The following GNAQ variants were observed in gnomAD, a reference collection of about 807,000 sequenced individuals.
GNAQ encodes G protein subunit alpha q.
In GNAQ, 8 loss-of-function variants were observed where a neutral mutation model predicts 43.9. That is an observed-to-expected ratio of 0.18 (90% confidence interval 0.11 to 0.33). GNAQ has a LOEUF of 0.33. Ranked by LOEUF, GNAQ falls within the 10% of genes least tolerant of loss-of-function variation. The pLI is 1.00. For synonymous variants in GNAQ, 155 were observed against 170.7 expected (o/e 0.91, Z 0.71); for missense variants, 158 against 450.8 (o/e 0.35, Z 5.88).
chr9:77,874,285 C>G (rs1166852011), intron 2 of GNAQ, among the ~76,000 whole-genome samples: 1 of 152,066 alleles, frequency 6.6e-6, no homozygotes, highest in Non-Finnish European at 1.5e-5. Flanking sequence ...TAAAACGAGT[C>G]TTTCCTCCTG....
At chr9:77,972,154 T>C (rs1421484502) in intron 1 of GNAQ, among the ~76,000 whole-genome samples, 1 of 151,452 alleles carries the variant, frequency 6.6e-6, no homozygotes, top group Middle Eastern at 3.2e-3. Flanking sequence ...TAATAACAAT[T>C]AAAATGAAAA....
chr9:77,728,420 G>T, intron 6 of GNAQ, 94 bp downstream of exon 6: 1 of 840,120 alleles, frequency 1.2e-6, no homozygotes, highest in Middle Eastern at 3.4e-4. Context: ...GGCAAGGGCA[G>T]CAATGGTGCA....
Position 77,832,075 on chromosome 9 carries a change from G to A in GNAQ, c.322-16305C>T, listed in dbSNP as rs1564124194. Among the ~76,000 whole-genome samples the A allele has an allele frequency of 3.6e-5, 5 of 140,602 alleles. No homozygotes were observed. The Admixed American group carries it at 3.9e-4, about 11-fold the overall frequency. 92.2% of individuals were successfully genotyped at this position (140,602 alleles called of 152,430 possible). The stretch of plus-strand genomic sequence containing the variant: ...ATGTAGGTCAAAGACATCCTTTGGA[G>A]AGATTAGAGCACTTTTTTTTTTTTT... On this transcript the variant is annotated intron_variant, in intron 2 of 6. Coordinates refer to ENST00000286548, the MANE Select transcript of GNAQ (RefSeq NM_002072.5).
chr9:77,797,098 T>A (rs748842838), intron 4 of GNAQ, among the ~76,000 whole-genome samples: 2 of 152,118 alleles, frequency 1.3e-5, no homozygotes, highest in African/African-American at 2.4e-5. Context: ...AGTGGCGCAA[T>A]CTCGTCTCAT....
At chr9:77,825,213 A>G (rs1477402515) in intron 2 of GNAQ, among the ~76,000 whole-genome samples, 2 of 152,250 alleles carry the variant, frequency 1.3e-5, no homozygotes, top group African/African-American at 4.8e-5. Context: ...AAGTTTCTAA[A>G]AAAACTTATT....
intron 2 of GNAQ, among the ~76,000 whole-genome samples, chr9:77,821,701 T>C (rs1827115554): frequency 6.6e-6 from 1 of 150,754 alleles, no homozygotes; most frequent in Non-Finnish European, 1.5e-5. Flanking sequence ...TTCATAATTA[T>C]GATGTTGTAC....
At chr9:77,808,454 C>T (rs994465153) in intron 3 of GNAQ, among the ~76,000 whole-genome samples, 4 of 150,782 alleles carry the variant, frequency 2.7e-5, no homozygotes, top group African/African-American at 9.8e-5. Flanking sequence ...AAAAGAATGA[C>T]ACTTTGTGTT....
intron 2 of GNAQ, among the ~76,000 whole-genome samples, chr9:77,859,052 C>G (rs1398097296): frequency 3.9e-5 from 6 of 152,150 alleles, no homozygotes; most frequent in Non-Finnish European, 8.8e-5. Context: ...AACACAGGAG[C>G]AGAGTCCTGC....
chr9:77,886,592 C>A (rs996740892), intron 2 of GNAQ, among the ~76,000 whole-genome samples: 3 of 151,950 alleles, frequency 2.0e-5, no homozygotes, highest in Non-Finnish European at 4.4e-5. Flanking sequence ...GTTAGTAGGA[C>A]AAATTTCTAT....
At chr9:77,944,973 C>A (rs766180158) in intron 1 of GNAQ, among the ~76,000 whole-genome samples, 1 of 152,196 alleles carries the variant, frequency 6.6e-6, no homozygotes, top group East Asian at 1.9e-4. Flanking sequence ...CTCAACCCAC[C>A]GCAGAGAATT....
intron 2 of GNAQ, among the ~76,000 whole-genome samples, chr9:77,831,053 T>A (rs1827290075): frequency 6.6e-6 from 1 of 152,216 alleles, no homozygotes; most frequent in Non-Finnish European, 1.5e-5. Context: ...AATTGGTGAA[T>A]AAGATTGAGA....
At chr9:77,741,813 C>T (rs113506227) in intron 5 of GNAQ, among the ~76,000 whole-genome samples, 1,788 of 152,264 alleles carry the variant, frequency 0.012, 20 homozygotes, top group Non-Finnish European at 0.018. Context: ...TAATAATAGT[C>T]TGCATATGGA....
rs529726330 is a variant in GNAQ, at chr9:77,720,145, A to G, written c.*1178T>C. 56 of 233,178 alleles carry G rather than the reference A, an allele frequency of 2.4e-4. 1 individual carries two copies. The East Asian group carries it at 3.3e-3, about 14-fold the overall frequency. 14.4% of individuals were successfully genotyped at this position (233,178 alleles called of 1,614,324 possible). ...CACTAACAATGTCATCTTAAGGACA[A>G]AGAAAAGAATGGACCGTGAGAATCA... On this transcript the variant is annotated 3_prime_UTR_variant, in exon 7 of 7. Coordinates refer to ENST00000286548, the MANE Select transcript of GNAQ (RefSeq NM_002072.5).
At chr9:77,981,904 T>C (rs542154897) in intron 1 of GNAQ, among the ~76,000 whole-genome samples, 1 of 152,314 alleles carries the variant, frequency 6.6e-6, no homozygotes, top group African/African-American at 2.4e-5. Context: ...TAACCATCCA[T>C]AAGAGTGATT....
At chr9:77,822,452 T>TTAA (rs1827132242) in intron 2 of GNAQ, among the ~76,000 whole-genome samples, 1 of 152,138 alleles carries the variant, frequency 6.6e-6, no homozygotes, top group African/African-American at 2.4e-5. Flanking sequence ...CCTAATCATT[T>TTAA]TAGTCCTTTG....
intron 5 of GNAQ, among the ~76,000 whole-genome samples, chr9:77,740,473 AGGAC>A (rs1825635941): frequency 1.3e-5 from 2 of 152,248 alleles, no homozygotes; most frequent in African/African-American, 2.4e-5. Flanking sequence ...TTGGAACTGA[AGGAC>A]AGTAATAAGC....
chr9:77,961,391 T>C (rs976426111), intron 1 of GNAQ, among the ~76,000 whole-genome samples: 2 of 152,100 alleles, frequency 1.3e-5, no homozygotes, highest in Admixed American at 6.5e-5. Flanking sequence ...AATCCTAGAA[T>C]GTGCATGACA....
intron 1 of GNAQ, among the ~76,000 whole-genome samples, chr9:78,009,978 T>C (rs529062919): frequency 2.6e-4 from 40 of 152,322 alleles, no homozygotes; most frequent in Admixed American, 1.4e-3. Flanking sequence ...GAGAAAGTTA[T>C]TGAGTGCCCT....
intron 5 of GNAQ, among the ~76,000 whole-genome samples, chr9:77,757,585 A>G (rs1361493285): frequency 6.6e-6 from 1 of 152,206 alleles, no homozygotes; most frequent in African/African-American, 2.4e-5. Context: ...TCGTGCCAAC[A>G]TAAAAAATAC....
Sources: gnomAD v4.1 joint callset for allele counts (sites outside exome capture counted in the v4.1 genomes callset) on GRCh38, gnomAD v4.1.1 for gene constraint, MANE v1.5 for transcripts, NCBI Gene and HGNC (gene_info 2026-07-23, HGNC 2026-07-21) for gene names.